Variants in TMOD1 observed in about 807,000 individuals in gnomAD.
TMOD1 encodes tropomodulin 1, also known as tropomodulin-1.
Under a neutral mutation model 40.6 loss-of-function variants are expected in TMOD1, and 17 were observed. The ratio of observed to expected loss-of-function variants is 0.42; its 90% CI spans 0.29 to 0.63. The LOEUF (loss-of-function observed/expected upper bound fraction) is 0.63. Among genes scored for constraint, TMOD1 ranks in the 20% least tolerant of loss-of-function variants. The probability of loss-of-function intolerance (pLI) is 0.22; values close to 1 mark genes in which losing one functional copy is unlikely to be tolerated. For missense variants in TMOD1, 391 were observed against 447.6 expected (o/e 0.87, Z 1.14); for synonymous variants, 181 against 175.0 (o/e 1.03, Z -0.27).
intron 4 of TMOD1, among the ~76,000 whole-genome samples, chr9:97,562,236 A>G (rs938530592): frequency 4.6e-5 from 7 of 152,166 alleles, no homozygotes; most frequent in Non-Finnish European, 8.8e-5. Flanking sequence ...GCCAAGACCA[A>G]GACACCCGTG....
chr9:97,512,243 G>A (rs1016211043), intron 1 of TMOD1, among the ~76,000 whole-genome samples: 3 of 152,218 alleles, frequency 2.0e-5, no homozygotes, highest in Non-Finnish European at 2.9e-5. Flanking sequence ...CACCAGAATG[G>A]CTAACAGGAA....
chr9:97,566,069 AGTG>A (rs1311961121), intron 7 of TMOD1, 114 bp downstream of exon 7: 2 of 849,018 alleles, frequency 2.4e-6, no homozygotes, highest in Non-Finnish European at 3.7e-6. Context: ...TATGTGGTAC[AGTG>A]GAAGGCATTG....
chr9:97,530,492 T>G (rs1412473993), intron 2 of TMOD1, among the ~76,000 whole-genome samples: 1 of 151,224 alleles, frequency 6.6e-6, no homozygotes, highest in African/African-American at 2.4e-5. Flanking sequence ...CTGAGGAGTT[T>G]TTTTTTTTTT....
At position 97,555,847 on chromosome 9, in the gene TMOD1, C is replaced by A. The variant is rs185104406; in HGVS notation, c.397+2447C>A. ...AATGCCTTGCCCAAAGGGTTTAAAC[C>A]CAGGCAACTTCATTCTAGGGCCTAT... On this transcript the variant is annotated intron_variant, in intron 4 of 9. Transcript: ENST00000259365. 41 of 740,946 alleles carry A rather than the reference C, an allele frequency of 5.5e-5. No homozygotes were observed. In the East Asian group the frequency reaches 7.2e-4, roughly 13 times the overall value. The allele number at this position is 740,946 out of a possible 1,614,324, so 45.9% of individuals were successfully genotyped here.
chr9:97,601,349 G>C lies in TMOD1; in HGVS notation c.*1651G>C, dbSNP rs1402575772. 5.3e-6 allele frequency: 6 copies of C among 1,137,262 alleles called. No homozygotes were observed. Among genetic ancestry groups the C allele is most frequent in the Non-Finnish European group, 6.6e-6 (6 of 912,816 alleles). 70.4% of individuals were successfully genotyped at this position (1,137,262 alleles called of 1,614,324 possible). ...GGCAGCCACCATGGCAGTGCTGGAT[G>C]ACCTCAGTAAGAATGTGTCATGTAT... On this transcript the variant is annotated 3_prime_UTR_variant, in exon 10 of 10. Transcript: ENST00000259365.
intron 7 of TMOD1, 60 bp from the exon 8 acceptor site, chr9:97,568,834 G>A: frequency 6.3e-7 from 1 of 1,599,644 alleles, no homozygotes; most frequent in Non-Finnish European, 8.5e-7. Context: ...CTACCCAGAG[G>A]GGCCTCCAGC....
In TMOD1 at chr9:97,599,743, TG is replaced by T. The variant is rs1826211477; in HGVS notation, c.*46del. 1.2e-6 allele frequency: 2 copies of T among 1,613,612 alleles called. No homozygotes were observed. Among genetic ancestry groups the T allele is most frequent in the Non-Finnish European group, 1.7e-6 (2 of 1,179,930 alleles). On this transcript the variant is annotated 3_prime_UTR_variant, in exon 10 of 10. Coordinates refer to ENST00000259365, the MANE Select transcript of TMOD1 (RefSeq NM_003275.4). ...TGCCTTTGAACTGGATGTGTTCTAT[TG>T]ATGACCTGTGCTCTGCAGGGGAAAC...
intron 2 of TMOD1, among the ~76,000 whole-genome samples, chr9:97,536,452 A>G (rs1830186279): frequency 6.6e-6 from 1 of 151,434 alleles, no homozygotes; most frequent in Admixed American, 6.6e-5. Context: ...CTTTGGTTTC[A>G]CTCCTACCCC....
At chr9:97,511,902 T>C (rs562387416) in intron 1 of TMOD1, among the ~76,000 whole-genome samples, 2 of 152,292 alleles carry the variant, frequency 1.3e-5, no homozygotes, top group East Asian at 3.9e-4. Context: ...AGGCAGTTTT[T>C]ATTGTTAGAA....
intron 8 of TMOD1, among the ~76,000 whole-genome samples, chr9:97,578,523 C>T (rs1265592571): frequency 1.3e-5 from 2 of 152,150 alleles, no homozygotes; most frequent in African/African-American, 4.8e-5. Context: ...CTGTGTGTAT[C>T]TAGGGTACTG....
Position 97,591,306 on chromosome 9 carries a change from A to C in TMOD1, c.886A>C (p.Asn296His). ...KIDNQSQPLG[N>H]KVEMEIVSML... ...TTGACTAAAGAGCCAGCCCCTGGGC[A>C]ACAAAGTGGAAATGGAGATTGTGAG... Residue 296 changes from asparagine (N) to histidine (H), a missense_variant, in exon 9 of 10, where the codon AAC becomes CAC. Physicochemically the swap from Asn to His is moderately conservative, Grantham distance 68. Transcript: ENST00000259365. 1 of 1,614,090 alleles carries C rather than the reference A, an allele frequency of 6.2e-7. No individual in the cohort carries two copies. The highest frequency in any genetic ancestry group is 1.1e-5 in the South Asian group (1 of 91,048).
Position 97,553,369 on chromosome 9 carries a change from T to G in TMOD1, c.366T>G (p.Asn122Lys), listed in dbSNP as rs755034036. ...CGGAGCTGGAGGAAGCCTTGGCAAATGCTTCAGATGCAGAACTCTGTGACA... is the reference window on the plus strand; with the variant it reads ...CGGAGCTGGAGGAAGCCTTGGCAAAGGCTTCAGATGCAGAACTCTGTGACA... Reference protein sequence around the residue: ...LEPELEEALANASDAELCDIA... With the variant: ...LEPELEEALAKASDAELCDIA... The change falls in exon 4 of 10, where the codon AAT becomes AAG. Residue 122 changes from asparagine to lysine, a missense_variant. Transcript: ENST00000259365. 8.1e-6 allele frequency: 13 copies of G among 1,614,182 alleles called. No homozygotes were observed. The highest frequency in any genetic ancestry group is 1.1e-5 in the Non-Finnish European group (13 of 1,180,016).
Position 97,524,125 on chromosome 9 carries a change from C to T in TMOD1, c.-48-16C>T. ...ATCTGAGACGGGTCTTTCTAAGGTT[C>T]TTGTCTTTCTGGTAGGTATTACTCA... is the stretch of plus-strand genomic sequence containing the variant. On this transcript the variant is annotated splice_polypyrimidine_tract_variant and intron_variant, in intron 1 of 9. Coordinates refer to ENST00000259365, the MANE Select transcript of TMOD1 (RefSeq NM_003275.4). 1.3e-6 allele frequency: 2 copies of T among 1,562,226 alleles called. No homozygotes were observed. The highest frequency in any genetic ancestry group is 2.3e-5 in the East Asian group (1 of 44,280).
chr9:97,529,451 C>T (rs545438044), intron 2 of TMOD1, among the ~76,000 whole-genome samples: 1 of 152,132 alleles, frequency 6.6e-6, no homozygotes, highest in South Asian at 2.1e-4. Context: ...AATTGTTAAG[C>T]CCCAGTGTCA....
chr9:97,582,223 G>A (rs920617780), intron 8 of TMOD1, among the ~76,000 whole-genome samples: 2 of 149,328 alleles, frequency 1.3e-5, no homozygotes, highest in African/African-American at 4.9e-5. Flanking sequence ...CATATGGCTA[G>A]CCAGTTTTCC....
Position 97,524,171 on chromosome 9 carries a change from C to A in TMOD1, c.-18C>A. ...ACTCAGCACAGAAATTCAGGAGACA[C>A]AGACAAGTTCTTCCACGATGTCGTA... On this transcript the variant is annotated 5_prime_UTR_variant, in exon 2 of 10. Coordinates refer to ENST00000259365, the MANE Select transcript of TMOD1 (RefSeq NM_003275.4). The A allele has an allele frequency of 6.2e-7, 1 of 1,611,848 alleles. No homozygotes were observed. Among genetic ancestry groups the A allele is most frequent in the Non-Finnish European group, 8.5e-7 (1 of 1,179,072 alleles).
At chr9:97,538,262 G>A (rs983738303) in intron 2 of TMOD1, among the ~76,000 whole-genome samples, 1 of 152,172 alleles carries the variant, frequency 6.6e-6, no homozygotes, top group Non-Finnish European at 1.5e-5. Flanking sequence ...GATCATCCAG[G>A]TATTAGTCAC....
chr9:97,578,928 T>C (rs1587955988), intron 8 of TMOD1, among the ~76,000 whole-genome samples: 1 of 151,788 alleles, frequency 6.6e-6, no homozygotes, highest in Middle Eastern at 3.2e-3. Context: ...TCCTGCTAAC[T>C]GGGGAGGGTG....
At chr9:97,555,778 C>T in intron 4 of TMOD1, 1 of 1,231,912 alleles carries the variant, frequency 8.1e-7, no homozygotes, top group South Asian at 1.3e-5. Flanking sequence ...AATTTTATTA[C>T]TGTCCCCATT....
Sources: gnomAD v4.1 joint callset for allele counts (sites outside exome capture counted in the v4.1 genomes callset) on GRCh38, gnomAD v4.1.1 for gene constraint, MANE v1.5 for transcripts, NCBI Gene and HGNC (gene_info 2026-07-23, HGNC 2026-07-21) for gene names.